Variants in NALCN observed in about 807,000 individuals in gnomAD.
NALCN encodes the protein sodium leak channel NALCN.
NALCN carries 111 observed loss-of-function variants against 225.3 expected under a neutral mutation model. The ratio of observed to expected loss-of-function variants is 0.49; its 90% CI spans 0.42 to 0.58. The LOEUF is 0.58. NALCN is among the 20% of genes least tolerant of loss of function. The probability of loss-of-function intolerance (pLI) is 0.00; values close to 1 mark genes in which losing one functional copy is unlikely to be tolerated. For synonymous variants in NALCN, 764 were observed against 769.0 expected, an observed-to-expected ratio of 0.99 and a Z score of 0.11; for missense variants, 1,378 against 2,202.4, an observed-to-expected ratio of 0.63 and a Z score of 7.49.
At chr13:101,165,423 T>C (rs1259222144) in intron 15 of NALCN, among the ~76,000 whole-genome samples, 1 of 152,168 alleles carries the variant, frequency 6.6e-6, no homozygotes, top group African/African-American at 2.4e-5. Flanking sequence ...AAGAAATTAA[T>C]TGTGGTAAAA....
At chr13:101,148,190 A>T (rs924845898) in intron 15 of NALCN, among the ~76,000 whole-genome samples, 1 of 152,130 alleles carries the variant, frequency 6.6e-6, no homozygotes, top group Non-Finnish European at 1.5e-5. Context: ...CTCTCTCAGC[A>T]TTCTGGAGGC....
At position 101,314,352 on chromosome 13, in the gene NALCN, C is replaced by G. The variant is rs376013265; in HGVS notation, c.800-21986G>C. Among the ~76,000 whole-genome samples the G allele has an allele frequency of 5.9e-5, 9 of 151,912 alleles. 1 individual carries two copies. The highest frequency in any genetic ancestry group is 3.3e-4 in the Admixed American group (5 of 15,236). ...TGTATATAGGGAATGATTAAAAAAACTGTCATTAGGCATTAGCTAGCTGCA... is the reference window on the plus strand; with the variant it reads ...TGTATATAGGGAATGATTAAAAAAAGTGTCATTAGGCATTAGCTAGCTGCA... On this transcript the variant is annotated intron_variant, in intron 7 of 43. Transcript: ENST00000251127.
chr13:101,177,631 T>C (rs940248734), intron 14 of NALCN, among the ~76,000 whole-genome samples: 1 of 152,076 alleles, frequency 6.6e-6, no homozygotes, highest in African/African-American at 2.4e-5. Context: ...CAAAATAGCA[T>C]AATTTTTAAA....
intron 7 of NALCN, among the ~76,000 whole-genome samples, chr13:101,299,386 C>T (rs1368988015): frequency 6.6e-6 from 1 of 152,086 alleles, no homozygotes; most frequent in Non-Finnish European, 1.5e-5. Flanking sequence ...TAAATGACTG[C>T]CTTCTGAACT....
At chr13:101,148,272 C>G (rs1320111616) in intron 15 of NALCN, among the ~76,000 whole-genome samples, 1 of 152,162 alleles carries the variant, frequency 6.6e-6, no homozygotes, top group Admixed American at 6.5e-5. Context: ...TCCTTCCTTG[C>G]CTTTCTCTTG....
At chr13:101,138,253 G>C (rs2036902365) in intron 17 of NALCN, among the ~76,000 whole-genome samples, 1 of 152,108 alleles carries the variant, frequency 6.6e-6, no homozygotes, top group South Asian at 2.1e-4. Flanking sequence ...ATGAATAACG[G>C]GTGCTCTATA....
chr13:101,197,305 C>A (rs995827295), intron 13 of NALCN, among the ~76,000 whole-genome samples: 2 of 152,076 alleles, frequency 1.3e-5, no homozygotes, highest in Non-Finnish European at 2.9e-5. Context: ...TCCTCCGCGA[C>A]CCTTTCCTTT....
chr13:101,159,730 C>T (rs972525588), intron 15 of NALCN, among the ~76,000 whole-genome samples: 2 of 151,910 alleles, frequency 1.3e-5, no homozygotes, highest in African/African-American at 4.8e-5. Flanking sequence ...CCTATGAGAC[C>T]AGGGAGATGA....
chr13:101,148,906 A>C lies in NALCN; in HGVS notation c.1840-4010T>G, dbSNP rs990650934. 2.7e-5 allele frequency among the ~76,000 whole-genome samples: 4 copies of C among 147,946 alleles called. No individual in the cohort carries two copies. In the East Asian group the frequency reaches 6.2e-4, roughly 23 times the overall value. The stretch of plus-strand genomic sequence containing the variant: ...GTGGAGTATGCGTGTCCTTAGATTC[A>C]CAGAAGAGAATAAAATTAGACTCCT... On this transcript the variant is annotated intron_variant, in intron 15 of 43. Transcript: ENST00000251127.
At chr13:101,308,916 G>A (rs1288038898) in intron 7 of NALCN, among the ~76,000 whole-genome samples, 3 of 151,978 alleles carry the variant, frequency 2.0e-5, no homozygotes, top group Non-Finnish European at 4.4e-5. Flanking sequence ...CACTTAGCCC[G>A]AAGAATGAAC....
Position 101,081,507 on chromosome 13 carries a change from AACTTG to A in NALCN, c.3885+15_3885+19del, listed in dbSNP as rs754064143. ...CAAACTGAAATAATCAGCTGAAATC[AACTTG>A]ACTTCTATGCTTACCAGGAGGGCAA... On this transcript the variant is annotated intron_variant, in intron 34 of 43. Coordinates refer to ENST00000251127, the MANE Select transcript of NALCN (RefSeq NM_052867.4). 5 of 1,613,436 alleles carry A rather than the reference AACTTG, an allele frequency of 3.1e-6. No individual in the cohort carries two copies. Among genetic ancestry groups the A allele is most frequent in the Non-Finnish European group, 4.2e-6 (5 of 1,179,822 alleles).
At chr13:101,126,436 A>C (rs1046040064) in intron 17 of NALCN, among the ~76,000 whole-genome samples, 3 of 152,128 alleles carry the variant, frequency 2.0e-5, no homozygotes, top group African/African-American at 4.8e-5. Flanking sequence ...TGCTATTTCC[A>C]ATGATAAATC....
At chr13:101,332,397 C>CAAAAAAAAAAAAAAAAAAAA (rs753158247) in intron 7 of NALCN, among the ~76,000 whole-genome samples, 3 of 57,852 alleles carry the variant, frequency 5.2e-5, no homozygotes, top group Non-Finnish European at 9.3e-5. Context: ...TTCACAAAGC[C>CAAAAAAAAAAAAAAAAAAAA]AAAAAAAAAA....
At chr13:101,149,306 A>C (rs1049140640) in intron 15 of NALCN, among the ~76,000 whole-genome samples, 14 of 138,048 alleles carry the variant, frequency 1.0e-4, no homozygotes, top group Admixed American at 6.7e-4. Context: ...AAAAAAAAAA[A>C]AATTATAAAG....
chr13:101,235,946 G>T (rs1257901441), intron 12 of NALCN, among the ~76,000 whole-genome samples: 1 of 152,112 alleles, frequency 6.6e-6, no homozygotes, highest in East Asian at 1.9e-4. Flanking sequence ...AAGTTGCAAT[G>T]CATGTTCTTT....
At chr13:101,370,773 G>A (rs2046516940) in intron 6 of NALCN, among the ~76,000 whole-genome samples, 1 of 152,148 alleles carries the variant, frequency 6.6e-6, no homozygotes, top group South Asian at 2.1e-4. Context: ...GGGTGTAACT[G>A]ACATAACATA....
At chr13:101,056,814 A>T (rs1162447748) in intron 43 of NALCN, 1 of 152,164 alleles carries the variant, frequency 6.6e-6, no homozygotes, top group Admixed American at 6.5e-5. Context: ...TCCAAAAGTC[A>T]CATACTGCTC....
chr13:101,385,192 G>T (rs1453935596), intron 3 of NALCN, among the ~76,000 whole-genome samples: 2 of 152,006 alleles, frequency 1.3e-5, no homozygotes, highest in African/African-American at 4.8e-5. Context: ...CTTTGAGCTC[G>T]GCATGTACCT....
At chr13:101,253,654 T>G (rs2042128262) in intron 11 of NALCN, among the ~76,000 whole-genome samples, 1 of 152,246 alleles carries the variant, frequency 6.6e-6, no homozygotes, top group African/African-American at 2.4e-5. Flanking sequence ...TTATTTGTAT[T>G]TTAAATAATT....
Sources: allele counts gnomAD v4.1 joint callset (sites outside exome capture counted in the v4.1 genomes callset), GRCh38; gene constraint gnomAD v4.1.1; transcripts MANE v1.5; gene names NCBI Gene and HGNC (gene_info 2026-07-23, HGNC 2026-07-21).